CPNE1: variants seen among roughly 807,000 people sequenced by gnomAD.
The protein encoded by CPNE1 is copine 1.
A neutral mutation model predicts 63.2 loss-of-function variants in CPNE1; 58 were observed. That is an observed-to-expected ratio of 0.92 (90% confidence interval 0.74 to 1.14). The LOEUF is 1.14. Among genes scored for constraint, CPNE1 ranks in the 50% most tolerant of loss-of-function variants. CPNE1 has a pLI of 0.00. For missense variants in CPNE1, 672 were observed against 661.7 expected (o/e 1.02, Z -0.17); for synonymous variants, 237 against 249.0 (o/e 0.95, Z 0.45).
At chr20:35,652,812 TGGGCCAGGGCCGGGGCCGGGGCCG>T (rs1163000877) in intron 1 of CPNE1, 2 of 1,587,692 alleles carry the variant, frequency 1.3e-6, no homozygotes, top group African/African-American at 1.3e-5. Context: ...CAATATGGAT[TGGGCCAGGGCCGGGGCCGGGGCCG>T]GGGCCAGGCC....
At chr20:35,653,072 T>C in intron 1 of CPNE1, 1 of 1,613,926 alleles carries the variant, frequency 6.2e-7, no homozygotes, top group Non-Finnish European at 8.5e-7. Context: ...ATACCAGGCC[T>C]AGCATCACCA....
chr20:35,642,755 C>T lies in CPNE1; in HGVS notation c.1-9832G>A, dbSNP rs1479390660. On this transcript the variant is annotated intron_variant, in intron 1 of 15. Transcript: ENST00000397443. ...TAAAACTACACATTCCTTATTCATA[C>T]ATATGACTAAGGGCTACTGAATGGT... is the stretch of plus-strand genomic sequence containing the variant. 2.0e-5 allele frequency among the ~76,000 whole-genome samples: 3 copies of T among 152,176 alleles called. No homozygotes were observed. The South Asian group carries it at 6.2e-4, about 31-fold the overall frequency.
At chr20:35,649,536 A>T (rs944201257) in intron 1 of CPNE1, 3 of 152,670 alleles carry the variant, frequency 2.0e-5, no homozygotes, top group African/African-American at 7.2e-5. Flanking sequence ...CTTGGAGTAC[A>T]AAGCTAGGAA....
intron 13 of CPNE1, among the ~76,000 whole-genome samples, chr20:35,630,035 T>C (rs895583277): frequency 6.6e-6 from 1 of 152,106 alleles, no homozygotes; most frequent in Non-Finnish European, 1.5e-5. Flanking sequence ...GCTCAATACC[T>C]GTAATCCCAG....
chr20:35,646,390 C>CTT (rs559754204), intron 1 of CPNE1, among the ~76,000 whole-genome samples: 18,265 of 122,428 alleles, frequency 0.15, 1,779 homozygotes, highest in South Asian at 0.31. Flanking sequence ...AGTGACAAGG[C>CTT]TTTTTTTTTT....
chr20:35,626,559 C>A lies in CPNE1; in HGVS notation c.1473+8G>T, dbSNP rs770623095. 17 of 1,613,250 alleles carry A rather than the reference C, an allele frequency of 1.1e-5. No homozygotes were observed. Among genetic ancestry groups the A allele is most frequent in the Non-Finnish European group, 1.3e-5 (15 of 1,179,182 alleles). ...GTAAACTCCCAGATCAAATTTGCAC[C>A]TACTCACATTCTGGAACCGGCGGTA... On this transcript the variant is annotated splice_region_variant and intron_variant, in intron 15 of 15. Coordinates refer to ENST00000397443, the MANE Select transcript of CPNE1 (RefSeq NM_152925.3).
At chr20:35,664,093 T>A (rs2034396932) in intron 1 of CPNE1, among the ~76,000 whole-genome samples, 2 of 151,944 alleles carry the variant, frequency 1.3e-5, no homozygotes, top group African/African-American at 4.8e-5. Context: ...CCTCCTAGCT[T>A]CAGACGCCGG....
chr20:35,639,741 C>A (rs6060530), intron 1 of CPNE1, among the ~76,000 whole-genome samples: 32,607 of 152,062 alleles, frequency 0.21, 3,633 homozygotes, highest in South Asian at 0.34. Context: ...GATTACAGGC[C>A]ACAACTGGAG....
intron 1 of CPNE1, among the ~76,000 whole-genome samples, chr20:35,637,596 C>G (rs1031964829): frequency 7.1e-6 from 1 of 141,306 alleles, no homozygotes; most frequent in Admixed American, 7.0e-5. Context: ...CCTGTTTTCC[C>G]CAAGGATTTT....
intron 1 of CPNE1, among the ~76,000 whole-genome samples, chr20:35,659,205 T>G (rs1314384069): frequency 1.3e-5 from 2 of 152,100 alleles, no homozygotes; most frequent in East Asian, 3.9e-4. Flanking sequence ...TGGTATTGCT[T>G]TCAAATTTGA....
chr20:35,650,816 A>G (rs1368238484), intron 1 of CPNE1: 1 of 152,642 alleles, frequency 6.6e-6, no homozygotes, highest in Non-Finnish European at 1.5e-5. Context: ...ACTGACTCAC[A>G]ACACCAAAAA....
In CPNE1 at chr20:35,627,134, G is replaced by A. The variant is rs555049943; in HGVS notation, c.1236+146C>T. On this transcript the variant is annotated intron_variant, in intron 14 of 15. Transcript: ENST00000397443. ...ACCCAGGAGGTGCAGGTTGCAGTGA[G>A]CTGAGATCGCGTCACTGCACTCCAG... 1.1e-4 allele frequency: 85 copies of A among 788,534 alleles called. No homozygotes were observed. The African/African-American group carries it at 1.2e-3, about 11-fold the overall frequency. The allele number at this position is 788,534 out of a possible 1,614,324, so 48.8% of individuals were successfully genotyped here. A position where few individuals can be genotyped will look rare whatever the true frequency, so the allele number is the denominator to read the frequency against.
At chr20:35,653,037 CA>C (rs2033642472) in intron 1 of CPNE1, 1 of 1,613,758 alleles carries the variant, frequency 6.2e-7, no homozygotes. Flanking sequence ...CTAGACCAGG[CA>C]AACCACTGTT....
rs1306990988 is a variant in CPNE1, at chr20:35,664,876, C to T, written c.-117G>A. On this transcript the variant is annotated 5_prime_UTR_variant, in exon 1 of 16. Transcript: ENST00000397443. ...GCTTCCCGGAGCCCAACGCAGCCAC[C>T]ACCTCCTTCGCCGCTTCACAAAATG... 6.6e-6 allele frequency: 1 copy of T among 152,380 alleles called. No homozygotes were observed. The highest frequency in any genetic ancestry group is 1.5e-5 in the Non-Finnish European group (1 of 68,134). 9.4% of individuals were successfully genotyped at this position (152,380 alleles called of 1,614,324 possible). A position where few individuals can be genotyped will look rare whatever the true frequency, so the allele number is the denominator to read the frequency against.
At chr20:35,638,201 T>C (rs2146301533) in intron 1 of CPNE1, among the ~76,000 whole-genome samples, 1 of 152,354 alleles carries the variant, frequency 6.6e-6, no homozygotes, top group South Asian at 2.1e-4. Context: ...ATGGTGAATG[T>C]GCTTTTGCTC....
chr20:35,664,388 C>T (rs949414029), intron 1 of CPNE1: 1 of 152,276 alleles, frequency 6.6e-6, no homozygotes, highest in African/African-American at 2.4e-5. Flanking sequence ...GTTATAACCT[C>T]TGCTTCACTG....
intron 1 of CPNE1, among the ~76,000 whole-genome samples, chr20:35,644,435 G>C (rs901009438): frequency 6.6e-6 from 1 of 152,160 alleles, no homozygotes; most frequent in Non-Finnish European, 1.5e-5. Context: ...AAAATTTGGA[G>C]CTCCATTCCT....
chr20:35,626,917 A>G, intron 14 of CPNE1, 114 bp from the exon 15 acceptor site: 2 of 885,696 alleles, frequency 2.3e-6, no homozygotes, highest in Non-Finnish European at 1.8e-6. Flanking sequence ...GCCGGGTGCG[A>G]TGGCTCACAC....
At chr20:35,639,876 A>G (rs924545314) in intron 1 of CPNE1, among the ~76,000 whole-genome samples, 4 of 151,784 alleles carry the variant, frequency 2.6e-5, no homozygotes, top group Non-Finnish European at 4.4e-5. Flanking sequence ...CTGGTGGACT[A>G]TTCCTTCCTA....
Sources: gnomAD v4.1 joint callset for allele counts (sites outside exome capture counted in the v4.1 genomes callset) on GRCh38, gnomAD v4.1.1 for gene constraint, MANE v1.5 for transcripts, NCBI Gene and HGNC (gene_info 2026-07-23, HGNC 2026-07-21) for gene names.